The following SLCO1B1 variants were observed in gnomAD, a reference collection of about 807,000 sequenced individuals.
The protein encoded by SLCO1B1 is OATP-2.
A neutral mutation model predicts 70.1 loss-of-function variants in SLCO1B1; 81 were observed. The ratio of observed to expected loss-of-function variants is 1.16; its 90% CI spans 0.97 to 1.39. The LOEUF is 1.39. SLCO1B1 is among the 40% of genes most tolerant of loss of function. The pLI, the probability that SLCO1B1 is intolerant of heterozygous loss-of-function variation, is 0.00. For synonymous variants in SLCO1B1, 283 were observed against 271.5 expected (o/e 1.04, Z -0.42); for missense variants, 895 against 799.6 (o/e 1.12, Z -1.44).
chr12:21,199,143 G>C (rs1203576153), intron 8 of SLCO1B1, among the ~76,000 whole-genome samples: 1 of 151,808 alleles, frequency 6.6e-6, no homozygotes, highest in African/African-American at 2.4e-5. Context: ...TCAAGCAGAT[G>C]CAACTGTTTC....
chr12:21,200,714 A>C lies in SLCO1B1; in HGVS notation c.1135+42A>C, dbSNP rs12319213. On this transcript the variant is annotated intron_variant, in intron 9 of 14. Transcript: ENST00000256958. The stretch of plus-strand genomic sequence containing the variant: ...ACTTGTGTGCTTAATAAGTGAAATA[A>C]TACTAAATACTGTATTCCAAGTGGT... The C allele has an allele frequency of 7.2e-3, 10,915 of 1,513,660 alleles. 452 individuals carry two copies. The African/African-American group carries it at 0.096, about 13-fold the overall frequency. The allele number at this position is 1,513,660 out of a possible 1,614,324, so 93.8% of individuals were successfully genotyped here.
Position 21,239,092 on chromosome 12 carries a change from A to G in SLCO1B1, c.1979A>G (p.Glu660Gly), listed in dbSNP as rs775651717. 1.2e-5 allele frequency: 19 copies of G among 1,609,090 alleles called. No individual in the cohort carries two copies. Among genetic ancestry groups the G allele is most frequent in the Admixed American group, 1.7e-5 (1 of 59,954 alleles). The change falls in exon 15 of 15, where the codon GAA (glutamate) becomes GGA (glycine). Residue 660 changes from glutamate to glycine, a missense_variant. By Grantham distance (98) the Glu-to-Gly change is moderately conservative. Coordinates refer to ENST00000256958, the MANE Select transcript of SLCO1B1 (RefSeq NM_006446.5). ...KYQEKDINAS[E>G]NGSVMDEANL... ...CAAGAGAAAGATATCAATGCATCAG[A>G]AAATGGAAGTGTCATGGATGAAGCA...
At chr12:21,193,802 T>A (rs2127303) in intron 7 of SLCO1B1, among the ~76,000 whole-genome samples, 1,576 of 151,858 alleles carry the variant, frequency 0.01, 37 homozygotes, top group South Asian at 0.039. Context: ...TCTTTTTTTT[T>A]ATTTTGGAGA....
At chr12:21,163,018 T>C (rs4149028) in intron 2 of SLCO1B1, among the ~76,000 whole-genome samples, 12,448 of 152,190 alleles carry the variant, frequency 0.082, 765 homozygotes, top group East Asian at 0.3. Flanking sequence ...GTATTTCTCA[T>C]TAGTGCTTTT....
rs142481506 is a variant in SLCO1B1 at position 21,237,779 on chromosome 12, A to G, written c.1866-1200A>G. Among the ~76,000 whole-genome samples the G allele has an allele frequency of 1.9e-3, 294 of 150,956 alleles. 10 individuals are homozygous for G. In the East Asian group the frequency reaches 0.05, roughly 26 times the overall value. On this transcript the variant is annotated intron_variant, in intron 14 of 14. Transcript: ENST00000256958. Reference sequence around the variant, plus strand: ...GCCCAGGCTGGAGTGCAATGGCATGATCTTGGCTCACTGCAACCCCCGCCT... The same window carrying G: ...GCCCAGGCTGGAGTGCAATGGCATGGTCTTGGCTCACTGCAACCCCCGCCT...
At chr12:21,218,815 C>T (rs1047930357) in intron 12 of SLCO1B1, among the ~76,000 whole-genome samples, 1 of 152,132 alleles carries the variant, frequency 6.6e-6, no homozygotes, top group Admixed American at 6.6e-5. Flanking sequence ...ATCAGCATTA[C>T]AACTTGTCAA....
chr12:21,170,201 A>T (rs1940740683), intron 2 of SLCO1B1, among the ~76,000 whole-genome samples: 2 of 152,192 alleles, frequency 1.3e-5, no homozygotes, highest in Non-Finnish European at 2.9e-5. Context: ...CCTAAAAGTC[A>T]AAATATTGAA....
chr12:21,165,823 C>T (rs773441727), intron 2 of SLCO1B1, among the ~76,000 whole-genome samples: 3 of 152,116 alleles, frequency 2.0e-5, no homozygotes, highest in Non-Finnish European at 4.4e-5. Flanking sequence ...TTATCTCAGA[C>T]TTCTCACCCT....
At chr12:21,155,727 C>G (rs982063809) in intron 2 of SLCO1B1, among the ~76,000 whole-genome samples, 1 of 152,142 alleles carries the variant, frequency 6.6e-6, no homozygotes, top group Admixed American at 6.5e-5. Flanking sequence ...CAATAAATCA[C>G]GTCACTCTGC....
Position 21,141,624 on chromosome 12 carries a change from A to T in SLCO1B1, c.50A>T (p.Glu17Val). Reference protein sequence around the residue: ...LNKTAEAQPSENKKTRYCNGL... With the variant: ...LNKTAEAQPSVNKKTRYCNGL... The stretch of plus-strand genomic sequence containing the variant: ...AAAACAGCAGAGGCACAACCTTCAG[A>T]GAATAAGAAAACAAGATACTGCAAT... The change falls in exon 2 of 15, where the codon GAG becomes GTG. Residue 17 changes from glutamate to valine, a missense_variant. Physicochemically the swap from Glu to Val is moderately radical, Grantham distance 121. Coordinates refer to ENST00000256958, the MANE Select transcript of SLCO1B1 (RefSeq NM_006446.5). 6.2e-7 allele frequency: 1 copy of T among 1,608,944 alleles called. No individual in the cohort carries two copies. Among genetic ancestry groups the T allele is most frequent in the Non-Finnish European group, 8.5e-7 (1 of 1,176,256 alleles).
At chr12:21,205,712 C>A (rs1036518920) in intron 10 of SLCO1B1, among the ~76,000 whole-genome samples, 156 bp from the exon 11 acceptor site, 1 of 148,210 alleles carries the variant, frequency 6.7e-6, no homozygotes, top group Non-Finnish European at 1.5e-5. Context: ...GCCATTTCGT[C>A]ATCATCAAAG....
intron 2 of SLCO1B1, among the ~76,000 whole-genome samples, chr12:21,160,442 G>T (rs7962588): frequency 1.9e-3 from 289 of 151,572 alleles, no homozygotes; most frequent in African/African-American, 6.7e-3. Flanking sequence ...AATTGAAATT[G>T]GACCCCTTCC....
Position 21,239,135 on chromosome 12 carries a change from TA to T in SLCO1B1, c.2027del (p.Asn676IlefsTer37). On this transcript the variant is annotated frameshift_variant, in exon 15 of 15. Coordinates refer to ENST00000256958, the MANE Select transcript of SLCO1B1 (RefSeq NM_006446.5). LOFTEE classifies it low-confidence loss of function (END_TRUNC). Reference sequence around the variant, plus strand: ...ATGAAGCAAACTTAGAATCCTTAAATAAAAATAAACATTTTGTCCCTTCTGC... The same window carrying T: ...ATGAAGCAAACTTAGAATCCTTAAATAAAATAAACATTTTGTCCCTTCTGC... ...MDEANLESLN[K>X]NKHFVPSAGA... is the part of the protein sequence containing the mutation. The T allele has an allele frequency of 1.9e-6, 3 of 1,613,218 alleles. No individual in the cohort carries two copies. Among genetic ancestry groups the T allele is most frequent in the Non-Finnish European group, 2.5e-6 (3 of 1,179,470 alleles).
Position 21,146,417 on chromosome 12 carries a change from T to C in SLCO1B1, c.84+4759T>C, listed in dbSNP as rs371931905. Among the ~76,000 whole-genome samples the C allele has an allele frequency of 1.4e-4, 21 of 152,156 alleles. 1 individual carries two copies. Among genetic ancestry groups the C allele is most frequent in the East Asian group, 5.8e-4 (3 of 5,206 alleles). Reference sequence around the variant, plus strand: ...TTGTGGTTTTGTCAATTTCCTCTATTGATTTCCTGTTTATGATTTAATTGA... The same window carrying C: ...TTGTGGTTTTGTCAATTTCCTCTATCGATTTCCTGTTTATGATTTAATTGA... On this transcript the variant is annotated intron_variant, in intron 2 of 14. Transcript: ENST00000256958.
intron 1 of SLCO1B1, among the ~76,000 whole-genome samples, chr12:21,135,790 T>C (rs1466087364): frequency 6.6e-6 from 1 of 152,200 alleles, no homozygotes; most frequent in Admixed American, 6.5e-5. Context: ...CTTTATCCAA[T>C]TTGCCAGTCT....
chr12:21,225,603 C>T (rs539117434), intron 14 of SLCO1B1, among the ~76,000 whole-genome samples: 4 of 152,126 alleles, frequency 2.6e-5, no homozygotes, highest in African/African-American at 9.6e-5. Flanking sequence ...ATAAAATCTG[C>T]ATCATTAAAC....
chr12:21,201,827 A>T (rs891373233), intron 9 of SLCO1B1, among the ~76,000 whole-genome samples: 3 of 152,164 alleles, frequency 2.0e-5, no homozygotes, highest in Non-Finnish European at 2.9e-5. Flanking sequence ...AATTACACAG[A>T]TCCCCTACCA....
chr12:21,178,867 G>A (rs767219429), intron 6 of SLCO1B1, 55 bp from the exon 7 acceptor site: 6 of 1,402,074 alleles, frequency 4.3e-6, no homozygotes, highest in Non-Finnish European at 6.1e-6. Context: ...AAAACATGGT[G>A]AATAAGAACC....
At chr12:21,194,991 G>A (rs915379798) in intron 7 of SLCO1B1, among the ~76,000 whole-genome samples, 10 of 152,116 alleles carry the variant, frequency 6.6e-5, no homozygotes, top group African/African-American at 2.4e-4. Flanking sequence ...CTTCTCCTGA[G>A]AACTCATACA....
Sources: allele counts gnomAD v4.1 joint callset (sites outside exome capture counted in the v4.1 genomes callset), GRCh38; gene constraint gnomAD v4.1.1; transcripts MANE v1.5; gene names NCBI Gene and HGNC (gene_info 2026-07-23, HGNC 2026-07-21).